ITPK1: variants seen among roughly 807,000 people sequenced by gnomAD.
ITPK1 encodes inositol-tetrakisphosphate 1-kinase.
In ITPK1, 21 loss-of-function variants were observed where a neutral mutation model predicts 45.3. The ratio of observed to expected loss-of-function variants is 0.46; its 90% CI spans 0.33 to 0.67. ITPK1 has a LOEUF of 0.67. Ranked by LOEUF, ITPK1 falls within the 30% of genes least tolerant of loss-of-function variation. The pLI is 0.02. For missense variants in ITPK1, 474 were observed against 573.5 expected (o/e 0.83, Z 1.77); for synonymous variants, 258 against 253.6 (o/e 1.02, Z -0.16).
intron 5 of ITPK1, among the ~76,000 whole-genome samples, chr14:92,975,059 C>T (rs556786445): frequency 6.6e-5 from 10 of 152,286 alleles, no homozygotes; most frequent in South Asian, 2.1e-4. Flanking sequence ...CATGCTGTTG[C>T]GAGGGGGCAA....
chr14:92,960,914 GA>G (rs1446719605), intron 7 of ITPK1, among the ~76,000 whole-genome samples: 1 of 152,240 alleles, frequency 6.6e-6, no homozygotes, highest in South Asian at 2.1e-4. Flanking sequence ...AAGACTACGT[GA>G]GGGCTCCTGA....
At chr14:93,008,317 T>A (rs1278177329) in intron 4 of ITPK1, among the ~76,000 whole-genome samples, 1 of 152,254 alleles carries the variant, frequency 6.6e-6, no homozygotes. Flanking sequence ...GCACTCACAC[T>A]CAGATACAGC....
In ITPK1 at chr14:93,115,119, G is replaced by C. The variant is rs1228691745; in HGVS notation, c.45C>G (p.Ser15Arg). Residue 15 changes from serine to arginine, a missense_variant, in exon 2 of 11, where the codon AGC (serine) becomes AGG (arginine). This residue lies in a region of ITPK1 where 367 missense variants were observed against 480.6 expected (regional missense o/e 0.76). Transcript: ENST00000267615. The part of the protein sequence containing the change: ...LKGKRVGYWL[S>R]EKKIKKLNFQ... ...AATTCAGCTTCTTGATTTTCTTCTC[G>C]CTCAGCCAGTAGCCAACTCTCTTCC... The C allele has an allele frequency of 5.6e-6, 9 of 1,602,032 alleles. No individual in the cohort carries two copies. In the Middle Eastern group the frequency reaches 5.0e-4, roughly 89 times the overall value.
chr14:93,100,368 A>G (rs1048496424), intron 2 of ITPK1, among the ~76,000 whole-genome samples: 3 of 152,144 alleles, frequency 2.0e-5, no homozygotes, highest in South Asian at 2.1e-4. Flanking sequence ...CCACCCTCCC[A>G]GGGCTGTTAA....
chr14:93,091,040 T>C (rs1891845624), intron 2 of ITPK1, among the ~76,000 whole-genome samples: 1 of 152,064 alleles, frequency 6.6e-6, no homozygotes, highest in Admixed American at 6.6e-5. Context: ...GTGGTCCCTC[T>C]CCCAGGGAGA....
At chr14:93,055,562 G>A (rs1890185484) in intron 3 of ITPK1, among the ~76,000 whole-genome samples, 1 of 152,158 alleles carries the variant, frequency 6.6e-6, no homozygotes, top group Non-Finnish European at 1.5e-5. Context: ...CCGAGCCTCG[G>A]TGCTGCCTGG....
intron 3 of ITPK1, among the ~76,000 whole-genome samples, chr14:93,038,273 G>C (rs548789541): frequency 6.6e-6 from 1 of 152,108 alleles, no homozygotes; most frequent in South Asian, 2.1e-4. Flanking sequence ...GACCTCACGT[G>C]ATCTGCCCAC....
At chr14:93,004,185 G>GAGGCCAGCAGGAGGC (rs1345789133) in intron 4 of ITPK1, among the ~76,000 whole-genome samples, 1 of 152,230 alleles carries the variant, frequency 6.6e-6, no homozygotes, top group Non-Finnish European at 1.5e-5. Context: ...GTGAGGGAGG[G>GAGGCCAGCAGGAGGC]AGGCCAGCAG....
chr14:93,070,652 G>A (rs1027552080), intron 3 of ITPK1: 1 of 152,272 alleles, frequency 6.6e-6, no homozygotes, highest in Non-Finnish European at 1.5e-5. Context: ...TCGTCTTCCA[G>A]GGAGCCTTCC....
chr14:92,948,749 G>A (rs1375160862), intron 9 of ITPK1, among the ~76,000 whole-genome samples: 1 of 151,814 alleles, frequency 6.6e-6, no homozygotes, highest in Admixed American at 6.5e-5. Context: ...AGTAACCACT[G>A]GGAACTTCCA....
chr14:92,950,016 C>T (rs899121716), intron 9 of ITPK1, among the ~76,000 whole-genome samples: 1 of 152,230 alleles, frequency 6.6e-6, no homozygotes, highest in East Asian at 1.9e-4. Flanking sequence ...CCCTGGACTC[C>T]GGAATCCTTC....
intron 2 of ITPK1, among the ~76,000 whole-genome samples, chr14:93,081,245 A>G (rs2034111657): frequency 6.6e-6 from 1 of 151,812 alleles, no homozygotes; most frequent in Admixed American, 6.6e-5. Context: ...GAGGCAGGAG[A>G]ATTGCTTTAA....
chr14:93,071,063 A>G (rs974875623), intron 3 of ITPK1: 1 of 153,730 alleles, frequency 6.5e-6, no homozygotes, highest in African/African-American at 2.4e-5. Context: ...GACCCTTACT[A>G]CACTCTTCCC....
At chr14:93,018,360 C>T (rs1171110238) in intron 3 of ITPK1, among the ~76,000 whole-genome samples, 1 of 152,098 alleles carries the variant, frequency 6.6e-6, no homozygotes, top group Non-Finnish European at 1.5e-5. Flanking sequence ...CTTGTTAGCA[C>T]CGGGGAACTT....
rs755632861 is a variant in ITPK1, at chr14:92,941,708, C to G, written c.1098G>C (p.Met366Ile). ...SASPGCCGSM[M>I]GQDAPWKAEA... Reference sequence around the variant, plus strand: ...CAGCCTTCCAGGGCGCGTCCTGGCCCATCATGCTGCCGCAGCAGCCGGGGC... The same window carrying G: ...CAGCCTTCCAGGGCGCGTCCTGGCCGATCATGCTGCCGCAGCAGCCGGGGC... Residue 366 changes from methionine to isoleucine, a missense_variant, in exon 11 of 11, where the codon ATG becomes ATC. This residue lies in a region of ITPK1 where 107 missense variants were observed against 92.9 expected (regional missense o/e 1.15). Transcript: ENST00000267615. 6.4e-7 allele frequency: 1 copy of G among 1,571,612 alleles called. No homozygotes were observed. The highest frequency in any genetic ancestry group is 8.6e-7 in the Non-Finnish European group (1 of 1,161,000).
chr14:92,946,580 C>T (rs756726960), intron 9 of ITPK1, 87 bp from the exon 10 acceptor site: 45 of 1,330,458 alleles, frequency 3.4e-5, no homozygotes, highest in Non-Finnish European at 4.2e-5. Context: ...CCAGCTGCCA[C>T]GAGGCCCTGG....
chr14:92,949,096 T>C (rs1003458373), intron 9 of ITPK1, among the ~76,000 whole-genome samples: 2 of 151,680 alleles, frequency 1.3e-5, no homozygotes, highest in Non-Finnish European at 2.9e-5. Flanking sequence ...TTTCTTTCTT[T>C]TTTTTTTTTT....
rs951628864 is a variant in ITPK1 at position 93,016,395 on chromosome 14, C to A, written c.246+281G>T. 5.3e-5 allele frequency among the ~76,000 whole-genome samples: 8 copies of A among 152,182 alleles called. No individual in the cohort carries two copies. Among genetic ancestry groups the A allele is most frequent in the Admixed American group, 1.3e-4 (2 of 15,286 alleles). The stretch of plus-strand genomic sequence containing the variant: ...CTGTGCTGAGGACGTGGAGGCCACA[C>A]TGGAACTCAGCGATGCCTCATCAGT... On this transcript the variant is annotated intron_variant, in intron 4 of 10. Coordinates refer to ENST00000267615, the MANE Select transcript of ITPK1 (RefSeq NM_014216.6). This position sits in a 1 kb window ranked among gnomAD's most constrained non-coding sequence, Gnocchi z 5.0.
At chr14:93,092,460 T>C (rs28735508) in intron 2 of ITPK1, among the ~76,000 whole-genome samples, 4,332 of 152,300 alleles carry the variant, frequency 0.028, 97 homozygotes, top group Admixed American at 0.083. Flanking sequence ...GAGGACAGCA[T>C]GCCAGCCCCC....
Sources: allele counts gnomAD v4.1 joint callset (sites outside exome capture counted in the v4.1 genomes callset), GRCh38; gene constraint gnomAD v4.1.1; regional missense constraint gnomAD v4.1.1; non-coding constraint Gnocchi (gnomAD v3.1); transcripts MANE v1.5; gene names NCBI Gene and HGNC (gene_info 2026-07-23, HGNC 2026-07-21).